Variants in COG5 observed in about 807,000 individuals in gnomAD.
COG5 encodes component of oligomeric golgi complex 5.
COG5 carries 86 observed loss-of-function variants against 110.4 expected under a neutral mutation model. The ratio of observed to expected loss-of-function variants is 0.78; its 90% confidence interval spans 0.65 to 0.93. The LOEUF (loss-of-function observed/expected upper bound fraction) is 0.93, where lower values mean the gene tolerates loss of function less well. COG5 is among the 40% of genes least tolerant of loss of function. The pLI is 0.00. For missense variants in COG5, 1,077 were observed against 987.0 expected (o/e 1.09, Z -1.22); for synonymous variants, 360 against 334.6 (o/e 1.08, Z -0.83).
intron 10 of COG5, among the ~76,000 whole-genome samples, chr7:107,352,051 A>T (rs1812194061): frequency 6.8e-6 from 1 of 146,608 alleles, no homozygotes; most frequent in Admixed American, 6.9e-5. Flanking sequence ...AAAGACTTGG[A>T]ACCAACCCAA....
chr7:107,248,658 G>A (rs1040888208), intron 16 of COG5, among the ~76,000 whole-genome samples, 159 bp from the exon 17 acceptor site: 5 of 152,006 alleles, frequency 3.3e-5, no homozygotes, highest in African/African-American at 7.3e-5. Flanking sequence ...AACCACTGTC[G>A]GTAATGATTT....
At position 107,283,629 on chromosome 7, in the gene COG5, C is replaced by G. The variant is rs1237230787; in HGVS notation, c.1417G>C (p.Gly473Arg). 2 of 1,613,890 alleles carry G rather than the reference C, an allele frequency of 1.2e-6. No individual in the cohort carries two copies. The highest frequency in any genetic ancestry group is 1.7e-4 in the Middle Eastern group (1 of 6,058). ...FDPINLVFPP[G>R]GRNPPSSDEL... ...TCAGAGGAAGGAGGATTACGACCAC[C>G]CGGGGGAAAAACCAAGTTGATAGGA... Residue 473 changes from glycine to arginine, a missense_variant, in exon 13 of 22, where the codon GGT (glycine) becomes CGT (arginine). Transcript: ENST00000297135.
chr7:107,334,515 G>T (rs1369802655), intron 10 of COG5, among the ~76,000 whole-genome samples: 1 of 151,948 alleles, frequency 6.6e-6, no homozygotes, highest in Non-Finnish European at 1.5e-5. Context: ...AGGCCAAGGA[G>T]AAAGAGAAGA....
At chr7:107,317,733 A>C (rs933956905) in intron 11 of COG5, among the ~76,000 whole-genome samples, 3 of 152,202 alleles carry the variant, frequency 2.0e-5, no homozygotes, top group Admixed American at 6.5e-5. Context: ...TTTAATATCC[A>C]ATAAAAATTA....
chr7:107,328,534 C>G (rs1003080142), intron 10 of COG5, among the ~76,000 whole-genome samples: 3 of 152,132 alleles, frequency 2.0e-5, no homozygotes, highest in Non-Finnish European at 4.4e-5. Flanking sequence ...AAGATAAATG[C>G]TGCAAGATTC....
At position 107,203,464 on chromosome 7, in the gene COG5, C is replaced by G. The variant is rs937117794; in HGVS notation, c.*52G>C. 8.2e-7 allele frequency: 1 copy of G among 1,226,484 alleles called. No homozygotes were observed. The allele number at this position is 1,226,484 out of a possible 1,614,324, so 76.0% of individuals were successfully genotyped here. ...GTCTTTTGGAGTATGTGTTTAACTGCCAACTATGAATGGGTTAGCACAAAG... is the reference window on the plus strand; with the variant it reads ...GTCTTTTGGAGTATGTGTTTAACTGGCAACTATGAATGGGTTAGCACAAAG... On this transcript the variant is annotated 3_prime_UTR_variant, in exon 22 of 22. Transcript: ENST00000297135.
chr7:107,544,340 T>C (rs1178517265), intron 5 of COG5, among the ~76,000 whole-genome samples: 1 of 152,164 alleles, frequency 6.6e-6, no homozygotes, highest in Non-Finnish European at 1.5e-5. Context: ...CCGGTCCAAG[T>C]GCCAGGTCAG....
intron 6 of COG5, among the ~76,000 whole-genome samples, chr7:107,421,194 T>C (rs1037321610): frequency 6.6e-6 from 1 of 152,164 alleles, no homozygotes; most frequent in Non-Finnish European, 1.5e-5. Context: ...AAACAAAACC[T>C]CATCCCTCCA....
intron 10 of COG5, among the ~76,000 whole-genome samples, chr7:107,338,914 C>T (rs188256049): frequency 1.1e-4 from 16 of 152,128 alleles, no homozygotes; most frequent in Admixed American, 4.6e-4. Flanking sequence ...CCTGTTACTA[C>T]AAAAACACAC....
intron 6 of COG5, among the ~76,000 whole-genome samples, chr7:107,427,809 C>T (rs1479219781): frequency 6.6e-6 from 1 of 151,870 alleles, no homozygotes; most frequent in Non-Finnish European, 1.5e-5. Context: ...TGTCCTGCAT[C>T]CAAGAAGAAT....
chr7:107,488,374 T>C (rs1275193135), intron 6 of COG5, among the ~76,000 whole-genome samples: 4 of 152,128 alleles, frequency 2.6e-5, no homozygotes, highest in Non-Finnish European at 5.9e-5. Flanking sequence ...CAAAGTACTG[T>C]CCAGATTGAG....
At chr7:107,390,044 A>G (rs1254191176) in intron 7 of COG5, among the ~76,000 whole-genome samples, 1 of 152,182 alleles carries the variant, frequency 6.6e-6, no homozygotes, top group Non-Finnish European at 1.5e-5. Flanking sequence ...TGTATCACTA[A>G]TTACAATATA....
chr7:107,559,663 AAAG>A (rs1283028411), intron 1 of COG5, among the ~76,000 whole-genome samples: 20 of 152,356 alleles, frequency 1.3e-4, no homozygotes, highest in African/African-American at 4.6e-4. Context: ...TAGTGGAATG[AAAG>A]AAGGAAACTG....
intron 11 of COG5, among the ~76,000 whole-genome samples, chr7:107,321,003 C>G (rs976249241): frequency 6.6e-6 from 1 of 152,262 alleles, no homozygotes; most frequent in East Asian, 1.9e-4. Context: ...ATTTAGACAT[C>G]AGGGTTTCAA....
chr7:107,495,898 G>C (rs937844002), intron 6 of COG5, among the ~76,000 whole-genome samples: 3 of 145,338 alleles, frequency 2.1e-5, no homozygotes, highest in African/African-American at 7.5e-5. Context: ...AGGTGAGTTT[G>C]GCCAAATACT....
At chr7:107,481,498 T>C (rs931801993) in intron 6 of COG5, among the ~76,000 whole-genome samples, 1 of 152,166 alleles carries the variant, frequency 6.6e-6, no homozygotes, top group African/African-American at 2.4e-5. Flanking sequence ...TTAACATATT[T>C]ATACTTCAAT....
At chr7:107,493,773 C>T (rs1023170801) in intron 6 of COG5, among the ~76,000 whole-genome samples, 2 of 152,114 alleles carry the variant, frequency 1.3e-5, no homozygotes, top group African/African-American at 4.8e-5. Flanking sequence ...CTCTTAGAAT[C>T]CCCATATTAA....
chr7:107,342,386 A>C (rs185732985), intron 10 of COG5, among the ~76,000 whole-genome samples: 2,712 of 150,196 alleles, frequency 0.018, 79 homozygotes, highest in African/African-American at 0.061. Context: ...AAAAAAAAAA[A>C]CACACCACAG....
chr7:107,206,551 C>T (rs1278561060), intron 21 of COG5, among the ~76,000 whole-genome samples: 3 of 152,194 alleles, frequency 2.0e-5, no homozygotes, highest in African/African-American at 7.2e-5. Context: ...GTAAAGAAAT[C>T]CCCAAGGGCT....
Sources: allele counts gnomAD v4.1 joint callset (sites outside exome capture counted in the v4.1 genomes callset), GRCh38; gene constraint gnomAD v4.1.1; transcripts MANE v1.5; gene names NCBI Gene and HGNC (gene_info 2026-07-23, HGNC 2026-07-21).